The following RUNX2 variants were observed in gnomAD, a reference collection of about 807,000 sequenced individuals.
The protein encoded by RUNX2 is RUNX family transcription factor 2.
A neutral mutation model predicts 51.7 loss-of-function variants in RUNX2; 10 were observed. That is an observed-to-expected ratio of 0.19 (90% CI 0.12 to 0.33). RUNX2 has a LOEUF of 0.33. Among genes scored for constraint, RUNX2 ranks in the 10% least tolerant of loss-of-function variants. RUNX2 has a pLI of 1.00. For synonymous variants in RUNX2, 276 were observed against 273.6 expected (o/e 1.01, Z -0.09); for missense variants, 562 against 691.3 (o/e 0.81, Z 2.10).
At chr6:45,349,848 C>T (rs562188381) in intron 2 of RUNX2, among the ~76,000 whole-genome samples, 5 of 152,260 alleles carry the variant, frequency 3.3e-5, no homozygotes, top group African/African-American at 1.2e-4. Context: ...TGTCAATGTT[C>T]TCTTTTATTC....
chr6:45,421,630 T>G (rs1798190742), intron 2 of RUNX2: 1 of 152,162 alleles, frequency 6.6e-6, no homozygotes, highest in African/African-American at 2.4e-5. Context: ...TCGGCTTCAA[T>G]CTCTTCCTAC....
chr6:45,381,211 A>G (rs1160307209), intron 2 of RUNX2, among the ~76,000 whole-genome samples: 1 of 152,182 alleles, frequency 6.6e-6, no homozygotes, highest in African/African-American at 2.4e-5. Flanking sequence ...CAAAAAGATT[A>G]CTCAGCCCGG....
chr6:45,439,733 G>C (rs1283156439), intron 5 of RUNX2, among the ~76,000 whole-genome samples: 2 of 152,062 alleles, frequency 1.3e-5, no homozygotes, highest in African/African-American at 4.8e-5. Context: ...ACACACAAGA[G>C]TTGATGCTCA....
chr6:45,491,962 A>T lies in RUNX2; in HGVS notation c.707A>T (p.Asp236Val), dbSNP rs180860949. 1 of 1,613,782 alleles carries T rather than the reference A, an allele frequency of 6.2e-7. No individual in the cohort carries two copies. Among genetic ancestry groups the T allele is most frequent in the East Asian group, 2.2e-5 (1 of 44,876 alleles). Residue 236 changes from aspartate (D) to valine (V), a missense_variant, in exon 6 of 9, where the codon GAC (aspartate) becomes GTC (valine). Around this residue, in one of 5 missense-constraint regions of RUNX2, gnomAD observed 37 missense variants for 66.5 expected, o/e 0.56. Transcript: ENST00000647337. ...CCAGGGCACAGACAGAAGCTTGATG[A>T]CTCTAAACCTAGTTTGTTCTCTGAC... ...EPRRHRQKLD[D>V]SKPSLFSDRL...
intron 5 of RUNX2, among the ~76,000 whole-genome samples, chr6:45,479,137 G>A (rs1430746684): frequency 1.3e-5 from 2 of 152,186 alleles, no homozygotes; most frequent in African/African-American, 4.8e-5. Flanking sequence ...CCTCTGAGCA[G>A]AAAGAATGCC....
At chr6:45,517,038 A>C (rs1045732457) in intron 7 of RUNX2, among the ~76,000 whole-genome samples, 1 of 152,154 alleles carries the variant, frequency 6.6e-6, no homozygotes, top group Non-Finnish European at 1.5e-5. Flanking sequence ...ACTCTTTGGC[A>C]TAATGAAGTA....
intron 5 of RUNX2, among the ~76,000 whole-genome samples, chr6:45,468,966 A>C (rs1799719545): frequency 6.6e-6 from 1 of 152,228 alleles, no homozygotes. Context: ...GCCTTTTCCC[A>C]ATTGCACATC....
chr6:45,388,500 T>TG (rs1797403794), intron 2 of RUNX2, among the ~76,000 whole-genome samples: 3 of 152,282 alleles, frequency 2.0e-5, no homozygotes, highest in African/African-American at 4.8e-5. Flanking sequence ...TCAGATACTC[T>TG]GGGGGGCGGA....
In RUNX2 at chr6:45,397,361, C is replaced by T. The variant is rs571498405; in HGVS notation, c.59-25232C>T. 4.0e-3 allele frequency among the ~76,000 whole-genome samples: 615 copies of T among 151,950 alleles called. 2 individuals carry two copies. Among genetic ancestry groups the T allele is most frequent in the Non-Finnish European group, 6.2e-3 (420 of 67,928 alleles). ...CGTGACCTTGTGATCTGCCCACCTCCGCCTCCCAAAGTGCTGGGATTACAG... is the reference window on the plus strand; with the variant it reads ...CGTGACCTTGTGATCTGCCCACCTCTGCCTCCCAAAGTGCTGGGATTACAG... On this transcript the variant is annotated intron_variant, in intron 2 of 8. Coordinates refer to ENST00000647337, the MANE Select transcript of RUNX2 (RefSeq NM_001024630.4).
At chr6:45,451,486 G>A (rs144093336) in intron 5 of RUNX2, among the ~76,000 whole-genome samples, 210 of 152,344 alleles carry the variant, frequency 1.4e-3, no homozygotes, top group African/African-American at 4.8e-3. Context: ...ACTTCAGAAT[G>A]TTTAGCGAAG....
intron 5 of RUNX2, among the ~76,000 whole-genome samples, chr6:45,456,316 C>T (rs1799316778): frequency 6.6e-6 from 1 of 152,062 alleles, no homozygotes; most frequent in African/African-American, 2.4e-5. Context: ...ATTGACTGAC[C>T]TATACCCTGA....
At chr6:45,526,537 A>T (rs1801679431) in intron 7 of RUNX2, among the ~76,000 whole-genome samples, 1 of 152,242 alleles carries the variant, frequency 6.6e-6, no homozygotes. Context: ...ATATGATTTG[A>T]ATCATAACGA....
intron 6 of RUNX2, among the ~76,000 whole-genome samples, chr6:45,502,135 C>T (rs946157214): frequency 1.3e-5 from 2 of 152,112 alleles, no homozygotes; most frequent in South Asian, 2.1e-4. Flanking sequence ...GAAGCAGCCC[C>T]TTGAGTACTA....
At position 45,328,407 on chromosome 6, in the gene RUNX2, T is replaced by C. The variant is rs535015975; in HGVS notation, c.-120T>C. The C allele has an allele frequency of 7.2e-5, 102 of 1,421,082 alleles. 3 individuals are homozygous for C. In the East Asian group the frequency reaches 1.4e-3, roughly 20 times the overall value. The allele number at this position is 1,421,082 out of a possible 1,614,324, so 88.0% of individuals were successfully genotyped here. A position where few individuals can be genotyped will look rare whatever the true frequency, so the allele number is the denominator to read the frequency against. ...GGAGGACAGCAAGAAGTCTCTGGTT[T>C]TTAAATGGTTAATCTCCGCAGGTCA... On this transcript the variant is annotated 5_prime_UTR_variant, in exon 1 of 9. Coordinates refer to ENST00000647337, the MANE Select transcript of RUNX2 (RefSeq NM_001024630.4).
chr6:45,463,646 A>G (rs2150388273), intron 5 of RUNX2, among the ~76,000 whole-genome samples: 1 of 152,282 alleles, frequency 6.6e-6, no homozygotes, highest in South Asian at 2.1e-4. Context: ...AAAAAAATGA[A>G]TTCTCCCTCC....
At chr6:45,496,496 A>G (rs750602541) in intron 6 of RUNX2, among the ~76,000 whole-genome samples, 2 of 152,248 alleles carry the variant, frequency 1.3e-5, no homozygotes, top group Non-Finnish European at 1.5e-5. Flanking sequence ...AAAATGAAAT[A>G]GGATAATTGC....
chr6:45,355,986 A>G (rs902011215), intron 2 of RUNX2, among the ~76,000 whole-genome samples: 1 of 152,214 alleles, frequency 6.6e-6, no homozygotes, highest in Non-Finnish European at 1.5e-5. Flanking sequence ...AAAGGCTAAT[A>G]GAACTCTACT....
At chr6:45,424,163 T>TGGCAGCCGCGGGAGTCGCA (rs1451943590) in intron 3 of RUNX2, among the ~76,000 whole-genome samples, 1 of 152,102 alleles carries the variant, frequency 6.6e-6, no homozygotes, top group East Asian at 1.9e-4. Flanking sequence ...TGAGGGCGGG[T>TGGCAGCCGCGGGAGTCGCA]GGCAGCCGCG....
At chr6:45,529,704 C>A (rs542614238) in intron 7 of RUNX2, among the ~76,000 whole-genome samples, 1 of 152,130 alleles carries the variant, frequency 6.6e-6, no homozygotes, top group East Asian at 1.9e-4. Context: ...GAGTCAGAAG[C>A]AGCAGATAAC....
Sources: gnomAD v4.1 joint callset for allele counts (sites outside exome capture counted in the v4.1 genomes callset) on GRCh38, gnomAD v4.1.1 for gene constraint, gnomAD v4.1.1 regional missense constraint, MANE v1.5 for transcripts, NCBI Gene and HGNC (gene_info 2026-07-23, HGNC 2026-07-21) for gene names.